CNTN5: variants seen among roughly 807,000 people sequenced by gnomAD.
CNTN5 encodes the protein contactin 5.
CNTN5 carries 77 observed loss-of-function variants against 129.1 expected under a neutral mutation model. That is an observed-to-expected ratio of 0.60 (90% confidence interval 0.50 to 0.72). CNTN5 has a LOEUF of 0.72. CNTN5 is among the 30% of genes least tolerant of loss of function. The pLI is 0.00. For synonymous variants in CNTN5, 509 were observed against 465.6 expected, an observed-to-expected ratio of 1.09 and a Z score of -1.20; for missense variants, 1,478 against 1,328.8, an observed-to-expected ratio of 1.11 and a Z score of -1.75.
chr11:99,823,038 G>T (rs903886465), intron 4 of CNTN5, among the ~76,000 whole-genome samples: 28 of 152,176 alleles, frequency 1.8e-4, no homozygotes, highest in Non-Finnish European at 4.4e-5. Context: ...CACCCCTAAG[G>T]AATTTGAATC....
At chr11:99,372,035 A>G (rs992753565) in intron 2 of CNTN5, among the ~76,000 whole-genome samples, 1 of 152,218 alleles carries the variant, frequency 6.6e-6, no homozygotes, top group African/African-American at 2.4e-5. Context: ...AATCCACATA[A>G]GGTAGACTAG....
At chr11:99,635,616 TGTG>T (rs1027643502) in intron 3 of CNTN5, among the ~76,000 whole-genome samples, 5 of 152,004 alleles carry the variant, frequency 3.3e-5, no homozygotes, top group African/African-American at 1.2e-4. Flanking sequence ...ATCCCAGGGA[TGTG>T]GTGGCATTTT....
At chr11:99,659,499 A>T (rs114283904) in intron 3 of CNTN5, among the ~76,000 whole-genome samples, 2 of 152,180 alleles carry the variant, frequency 1.3e-5, no homozygotes, top group Non-Finnish European at 2.9e-5. Context: ...AACAGAACAA[A>T]TTGGGTGTGT....
At chr11:99,870,666 G>C (rs569949771) in intron 6 of CNTN5, among the ~76,000 whole-genome samples, 1 of 152,116 alleles carries the variant, frequency 6.6e-6, no homozygotes, top group South Asian at 2.1e-4. Context: ...AAATAGCAAT[G>C]TTTTCCCTAG....
intron 8 of CNTN5, among the ~76,000 whole-genome samples, chr11:99,958,090 GA>G (rs1950850086): frequency 6.6e-6 from 1 of 152,066 alleles, no homozygotes; most frequent in South Asian, 2.1e-4. Context: ...CAGTATTAAA[GA>G]AATGATGAAA....
At chr11:99,498,624 G>A (rs1399654158) in intron 2 of CNTN5, among the ~76,000 whole-genome samples, 3 of 152,012 alleles carry the variant, frequency 2.0e-5, no homozygotes, top group Non-Finnish European at 2.9e-5. Flanking sequence ...TTGGTTTCCT[G>A]CCAATGATAT....
rs568789983 is a variant in CNTN5, at chr11:99,807,714, G to C, written c.56-11830G>C. ...TATTAAATAAAAATTAGAAAATTAC[G>C]TGTACAAACTGATTCCAGTTTTCTT... On this transcript the variant is annotated intron_variant, in intron 3 of 24. Transcript: ENST00000524871. Among the ~76,000 whole-genome samples, 41 of 152,160 alleles carry C rather than the reference G, an allele frequency of 2.7e-4. 1 individual carries two copies. In the South Asian group the frequency reaches 8.1e-3, roughly 30 times the overall value.
At chr11:100,018,420 T>C (rs1037971953) in intron 9 of CNTN5, among the ~76,000 whole-genome samples, 3 of 152,124 alleles carry the variant, frequency 2.0e-5, no homozygotes, top group East Asian at 3.9e-4. Flanking sequence ...ATCTACTCTT[T>C]TGACCGAGAG....
chr11:99,994,826 G>T (rs143623113), intron 8 of CNTN5, among the ~76,000 whole-genome samples: 1,751 of 152,140 alleles, frequency 0.012, 27 homozygotes, highest in Middle Eastern at 0.068. Context: ...AGAAACATTC[G>T]GCTGAGTTTA....
At chr11:99,145,377 C>CT (rs56245559) in intron 1 of CNTN5, among the ~76,000 whole-genome samples, 121,466 of 149,802 alleles carry the variant, frequency 0.81, 49,488 homozygotes, top group East Asian at 0.99. Flanking sequence ...ACCAGAAACA[C>CT]TTTTTTTTTT....
At chr11:99,107,985 T>C (rs1857595723) in intron 1 of CNTN5, among the ~76,000 whole-genome samples, 1 of 151,130 alleles carries the variant, frequency 6.6e-6, no homozygotes, top group Non-Finnish European at 1.5e-5. Context: ...TGATTTTTAT[T>C]TGGAGAGGAA....
At chr11:100,274,713 A>G (rs947088154) in intron 18 of CNTN5, among the ~76,000 whole-genome samples, 5 of 152,226 alleles carry the variant, frequency 3.3e-5, no homozygotes, top group Admixed American at 3.3e-4. Context: ...CACAATGGCT[A>G]TTACTAAAAA....
intron 1 of CNTN5, among the ~76,000 whole-genome samples, chr11:99,177,642 G>A (rs1354278641): frequency 1.3e-5 from 2 of 152,166 alleles, no homozygotes; most frequent in Admixed American, 6.5e-5. Context: ...AGACTGAAGA[G>A]GAGCTCTGGT....
intron 3 of CNTN5, among the ~76,000 whole-genome samples, chr11:99,567,342 G>C (rs1168024638): frequency 6.7e-6 from 1 of 149,966 alleles, no homozygotes; most frequent in Non-Finnish European, 1.5e-5. Context: ...CAGCTGTATT[G>C]CTTTAAAAAC....
chr11:100,348,229 CTTCTCATAG>C (rs1952330622), intron 23 of CNTN5, among the ~76,000 whole-genome samples: 1 of 151,812 alleles, frequency 6.6e-6, no homozygotes, highest in South Asian at 2.1e-4. Context: ...ACTTCTTAAC[CTTCTCATAG>C]TTCTCATTCT....
chr11:100,133,449 C>T (rs1040528837), intron 13 of CNTN5, among the ~76,000 whole-genome samples: 4 of 152,086 alleles, frequency 2.6e-5, no homozygotes, highest in Non-Finnish European at 4.4e-5. Context: ...ACGCATAACA[C>T]CAATGAAAAT....
intron 1 of CNTN5, among the ~76,000 whole-genome samples, chr11:99,047,268 T>A (rs2135160902): frequency 6.6e-6 from 1 of 151,936 alleles, no homozygotes; most frequent in South Asian, 2.1e-4. Flanking sequence ...TCATAGCCTT[T>A]TATATTCTAG....
At chr11:100,100,700 C>T (rs182749698) in intron 13 of CNTN5, among the ~76,000 whole-genome samples, 372 of 152,168 alleles carry the variant, frequency 2.4e-3, no homozygotes, top group Non-Finnish European at 3.8e-3. Flanking sequence ...GTATTTCAGA[C>T]GTCTTCTTGG....
chr11:100,319,506 T>G (rs1006324147), intron 21 of CNTN5, among the ~76,000 whole-genome samples: 1 of 152,240 alleles, frequency 6.6e-6, no homozygotes, highest in Non-Finnish European at 1.5e-5. Flanking sequence ...TGTACATGCT[T>G]TGAAGTATAT....
Sources: allele counts gnomAD v4.1 joint callset (sites outside exome capture counted in the v4.1 genomes callset), GRCh38; gene constraint gnomAD v4.1.1; transcripts MANE v1.5; gene names NCBI Gene and HGNC (gene_info 2026-07-23, HGNC 2026-07-21).